CTDP1: variants seen among roughly 807,000 people sequenced by gnomAD.
The protein encoded by CTDP1 is CTD phosphatase 1, also known as RNA polymerase II subunit A C-terminal domain phosphatase.
Under a neutral mutation model 91.8 loss-of-function variants are expected in CTDP1, and 47 were observed. The observed-to-expected ratio is 0.51, with a 90% CI of 0.41 to 0.65. The LOEUF (loss-of-function observed/expected upper bound fraction) is 0.65, where lower values mean the gene tolerates loss of function less well. Among genes scored for constraint, CTDP1 ranks in the 30% least tolerant of loss-of-function variants. The probability of loss-of-function intolerance (pLI) is 0.00; values close to 1 mark genes in which losing one functional copy is unlikely to be tolerated. For synonymous variants in CTDP1, 656 were observed against 598.5 expected (o/e 1.10, Z -1.40); for missense variants, 1,272 against 1,373.7 (o/e 0.93, Z 1.17).
At chr18:79,682,144 GCA>G (rs2085384392) in intron 1 of CTDP1, among the ~76,000 whole-genome samples, 1 of 152,214 alleles carries the variant, frequency 6.6e-6, no homozygotes, top group African/African-American at 2.4e-5. Flanking sequence ...AGGTGCATTT[GCA>G]GCAGGAGTCC....
chr18:79,746,704 ACTC>A (rs1304357349), intron 12 of CTDP1, among the ~76,000 whole-genome samples: 1 of 151,086 alleles, frequency 6.6e-6, no homozygotes, highest in African/African-American at 2.4e-5. Context: ...GGAAGCTTGA[ACTC>A]CTGGGCTCAA....
At chr18:79,689,782 A>G (rs979429996) in intron 1 of CTDP1, among the ~76,000 whole-genome samples, 1 of 152,228 alleles carries the variant, frequency 6.6e-6, no homozygotes, top group Non-Finnish European at 1.5e-5. Flanking sequence ...CTCCGTCACA[A>G]ATAAGTAACA....
chr18:79,743,194 C>T (rs2086813378), intron 12 of CTDP1, among the ~76,000 whole-genome samples: 1 of 152,108 alleles, frequency 6.6e-6, no homozygotes, highest in Admixed American at 6.5e-5. Context: ...TACAACGATG[C>T]ATTGTTGGGT....
At chr18:79,733,343 C>A (rs2086602831) in intron 11 of CTDP1, among the ~76,000 whole-genome samples, 1 of 152,202 alleles carries the variant, frequency 6.6e-6, no homozygotes, top group South Asian at 2.1e-4. Flanking sequence ...CACAAAGAGA[C>A]TCACACCCAT....
rs111879799 is a variant in CTDP1 at position 79,751,450 on chromosome 18, G to A, written c.2748-2202G>A. Among the ~76,000 whole-genome samples, 688 of 152,242 alleles carry A rather than the reference G, an allele frequency of 4.5e-3. 6 individuals carry two copies. Among genetic ancestry groups the A allele is most frequent in the African/African-American group, 0.016 (650 of 41,532 alleles). On this transcript the variant is annotated intron_variant, in intron 12 of 12. Transcript: ENST00000613122. The stretch of plus-strand genomic sequence containing the variant: ...TGGGGCCCTTGTGTTTCTCTCATGC[G>A]GTATTTCCTGGACCACGAACAGTTG...
At chr18:79,684,199 G>A (rs932117557) in intron 1 of CTDP1, among the ~76,000 whole-genome samples, 1 of 152,210 alleles carries the variant, frequency 6.6e-6, no homozygotes, top group Non-Finnish European at 1.5e-5. Context: ...AAACTGAGAG[G>A]TGTGGATGTT....
At chr18:79,756,439 C>T (rs1599338042), downstream of CTDP1, 1 of 152,344 alleles carries the variant, frequency 6.6e-6, no homozygotes, top group East Asian at 1.9e-4. Context: ...GCTGGCAGCC[C>T]CTGAGTGTAG....
intron 1 of CTDP1, among the ~76,000 whole-genome samples, chr18:79,686,547 T>C (rs543171093): frequency 6.6e-6 from 1 of 152,386 alleles, no homozygotes; most frequent in East Asian, 1.9e-4. Context: ...TAGCATCATA[T>C]GTGCAAAATT....
At chr18:79,742,747 C>G (rs1384840452) in intron 12 of CTDP1, among the ~76,000 whole-genome samples, 1 of 152,204 alleles carries the variant, frequency 6.6e-6, no homozygotes, top group Non-Finnish European at 1.5e-5. Flanking sequence ...GACTTGAGGT[C>G]AGGAGTTCAA....
In CTDP1 at chr18:79,714,926, C is replaced by G; in HGVS notation, c.1466C>G (p.Ala489Gly). The G allele has an allele frequency of 6.4e-7, 1 of 1,564,914 alleles. No homozygotes were observed. The highest frequency in any genetic ancestry group is 8.7e-7 in the Non-Finnish European group (1 of 1,155,020). The change falls in exon 8 of 13, where the codon GCT becomes GGT. Residue 489 changes from alanine (A) to glycine (G), a missense_variant. Coordinates refer to ENST00000613122, the MANE Select transcript of CTDP1 (RefSeq NM_004715.5). ...EGKRGRQKPKAAPEGAGALAQ... is the reference protein window; with the variant it reads ...EGKRGRQKPKGAPEGAGALAQ... ...AAAAGAGGCCGGCAGAAGCCGAAGG[C>G]TGCCCCAGAGGGAGCCGGGGCGCTG...
At chr18:79,745,209 C>T (rs1013627171) in intron 12 of CTDP1, among the ~76,000 whole-genome samples, 28 of 152,120 alleles carry the variant, frequency 1.8e-4, no homozygotes, top group Non-Finnish European at 3.4e-4. Flanking sequence ...GAGTGGTCAG[C>T]ACACATACGT....
chr18:79,705,360 G>A (rs2085946265), intron 5 of CTDP1, among the ~76,000 whole-genome samples: 1 of 152,206 alleles, frequency 6.6e-6, no homozygotes, highest in Admixed American at 6.5e-5. Flanking sequence ...GTGATAGCGT[G>A]AATGCCAGGC....
intron 11 of CTDP1, among the ~76,000 whole-genome samples, chr18:79,731,297 AGGTG>A (rs1217644226): frequency 6.6e-6 from 1 of 152,174 alleles, no homozygotes; most frequent in East Asian, 1.9e-4. Context: ...TCAGTGTGTT[AGGTG>A]GGCATTGGCT....
intron 5 of CTDP1, 134 bp downstream of exon 5, chr18:79,705,051 T>C: frequency 7.2e-7 from 1 of 1,384,086 alleles, no homozygotes; most frequent in East Asian, 2.5e-5. Context: ...TTGGCCGTTG[T>C]GCAGGGGGTT....
intron 12 of CTDP1, among the ~76,000 whole-genome samples, chr18:79,736,907 G>GT (rs33927589): frequency 0.031 from 120 of 3,876 alleles, 1 homozygote; most frequent in South Asian, 0.062. Flanking sequence ...TTCTGCAGGT[G>GT]GGGGGTCTGC....
chr18:79,750,396 T>A (rs1175898719), intron 12 of CTDP1, among the ~76,000 whole-genome samples: 2 of 152,114 alleles, frequency 1.3e-5, no homozygotes, highest in Non-Finnish European at 2.9e-5. Context: ...AGTAAGCCTT[T>A]ATTTCTCAGT....
intron 10 of CTDP1, among the ~76,000 whole-genome samples, chr18:79,727,244 G>C (rs980455469): frequency 6.6e-6 from 1 of 152,246 alleles, no homozygotes; most frequent in African/African-American, 2.4e-5. Context: ...TAACAGTGCA[G>C]TTGGCCCTTT....
intron 6 of CTDP1, among the ~76,000 whole-genome samples, chr18:79,711,938 A>G (rs976837217): frequency 3.5e-5 from 1 of 28,410 alleles, no homozygotes; most frequent in Non-Finnish European, 8.4e-5. Flanking sequence ...TGTTTTCCCG[A>G]GGAGCCTGGT....
At position 79,729,488 on chromosome 18, in the gene CTDP1, A is replaced by G. The variant is rs1338619056; in HGVS notation, c.2580+419A>G. 3.3e-5 allele frequency among the ~76,000 whole-genome samples: 5 copies of G among 152,180 alleles called. No individual in the cohort carries two copies. In the East Asian group the frequency reaches 9.6e-4, roughly 29 times the overall value. ...GACGCCGACCGGCCCCCATTGAGAA[A>G]CGCTGGAGGGCTGTGTGTTGCACGT... On this transcript the variant is annotated intron_variant, in intron 11 of 12. Transcript: ENST00000613122.
Sources: gnomAD v4.1 joint callset for allele counts (sites outside exome capture counted in the v4.1 genomes callset) on GRCh38, gnomAD v4.1.1 for gene constraint, MANE v1.5 for transcripts, NCBI Gene and HGNC (gene_info 2026-07-23, HGNC 2026-07-21) for gene names.